The following CHL1 variants were observed in gnomAD, a reference collection of about 807,000 sequenced individuals.
CHL1 encodes the protein neural cell adhesion molecule L1-like protein.
A neutral mutation model predicts 141.9 loss-of-function variants in CHL1; 96 were observed. That is an observed-to-expected ratio of 0.68 (90% CI 0.57 to 0.80). CHL1 has a LOEUF of 0.80. CHL1 is among the 30% of genes least tolerant of loss of function. The pLI, the probability that CHL1 is intolerant of heterozygous loss-of-function variation, is 0.00. For synonymous variants in CHL1, 613 were observed against 502.2 expected, an observed-to-expected ratio of 1.22 and a Z score of -2.95; for missense variants, 1,820 against 1,457.2, an observed-to-expected ratio of 1.25 and a Z score of -4.05.
intron 1 of CHL1, among the ~76,000 whole-genome samples, chr3:200,768 A>G (rs984669698): frequency 6.6e-6 from 1 of 152,222 alleles, no homozygotes; most frequent in African/African-American, 2.4e-5. Context: ...TTTGGTGATC[A>G]CATGCCTTTC....
At chr3:216,133 CTG>C (rs1351017229) in intron 1 of CHL1, among the ~76,000 whole-genome samples, 2 of 152,206 alleles carry the variant, frequency 1.3e-5, no homozygotes, top group East Asian at 3.9e-4. Context: ...AAAAATACCA[CTG>C]TATTTAAAAG....
intron 2 of CHL1, among the ~76,000 whole-genome samples, chr3:292,174 C>T (rs1697751559): frequency 6.6e-6 from 1 of 152,192 alleles, no homozygotes; most frequent in African/African-American, 2.4e-5. Flanking sequence ...TGTTTCAAAT[C>T]TTATAAAAAT....
intron 2 of CHL1, among the ~76,000 whole-genome samples, chr3:293,639 A>G (rs1045571213): frequency 9.2e-5 from 14 of 152,198 alleles, no homozygotes; most frequent in African/African-American, 3.1e-4. Flanking sequence ...ATACGTTCTA[A>G]TGTTTGATAA....
rs1179754543 is a variant in CHL1, at chr3:196,853, G to C, written c.-385G>C. ...CAGCCAGAACGGCTCCAGCCTTCCC[G>C]CGGCCAGAGAGCCAGCGGCGGGAGG... is the stretch of plus-strand genomic sequence containing the variant. On this transcript the variant is annotated 5_prime_UTR_variant, in exon 1 of 28. Transcript: ENST00000256509. 1 of 152,586 alleles carries C rather than the reference G, an allele frequency of 6.6e-6. No individual in the cohort carries two copies. Among genetic ancestry groups the C allele is most frequent in the Admixed American group, 6.5e-5 (1 of 15,294 alleles). 9.5% of individuals were successfully genotyped at this position (152,586 alleles called of 1,614,324 possible).
At chr3:362,093 T>C (rs1704313076) in intron 13 of CHL1, among the ~76,000 whole-genome samples, 1 of 152,170 alleles carries the variant, frequency 6.6e-6, no homozygotes, top group Non-Finnish European at 1.5e-5. Flanking sequence ...TAAAGGTAGT[T>C]TTGGTTTTTC....
intron 2 of CHL1, chr3:248,479 G>A (rs2125127134): frequency 6.6e-6 from 1 of 152,046 alleles, no homozygotes. Context: ...TAATTTTATT[G>A]AGGTATAACT....
chr3:399,814 T>C (rs1023285868), intron 26 of CHL1, among the ~76,000 whole-genome samples: 2 of 152,188 alleles, frequency 1.3e-5, no homozygotes, highest in Admixed American at 6.5e-5. Flanking sequence ...ATGCATGACA[T>C]ACATGACTCA....
intron 2 of CHL1, among the ~76,000 whole-genome samples, chr3:253,253 G>T (rs943228643): frequency 1.3e-5 from 2 of 152,034 alleles, no homozygotes; most frequent in Admixed American, 6.6e-5. Flanking sequence ...GATGTATCTC[G>T]TTATGAACCA....
intron 24 of CHL1, 136 bp from the exon 25 acceptor site, chr3:398,091 T>A (rs1205796643): frequency 1.5e-5 from 7 of 478,020 alleles, no homozygotes; most frequent in Non-Finnish European, 2.5e-5. Context: ...ATTTTCTTGA[T>A]CTCCTGGTAA....
At chr3:249,523 T>C (rs935344203) in intron 2 of CHL1, among the ~76,000 whole-genome samples, 7 of 152,308 alleles carry the variant, frequency 4.6e-5, no homozygotes, top group Admixed American at 3.9e-4. Flanking sequence ...TATTATGGCA[T>C]GTTTGAGTTC....
intron 19 of CHL1, among the ~76,000 whole-genome samples, chr3:385,015 T>C (rs994152731): frequency 7.2e-5 from 11 of 152,200 alleles, no homozygotes; most frequent in African/African-American, 1.4e-4. Flanking sequence ...TTTTTTAAAA[T>C]GGTAATACAT....
intron 24 of CHL1, among the ~76,000 whole-genome samples, chr3:397,340 ATAAT>A (rs1165117501): frequency 6.6e-6 from 1 of 152,116 alleles, no homozygotes; most frequent in Non-Finnish European, 1.5e-5. Context: ...TAGTAACTAT[ATAAT>A]TAATTTTTAT....
intron 1 of CHL1, among the ~76,000 whole-genome samples, chr3:221,131 C>G (rs1018865742): frequency 2.6e-5 from 4 of 152,160 alleles, no homozygotes; most frequent in Admixed American, 2.6e-4. Context: ...CCAGAATGAA[C>G]CAATGTACAT....
intron 2 of CHL1, among the ~76,000 whole-genome samples, chr3:267,089 A>G (rs1481766832): frequency 6.6e-6 from 1 of 152,118 alleles, no homozygotes; most frequent in Non-Finnish European, 1.5e-5. Context: ...TGCAGTATGT[A>G]TTTCCTATTT....
intron 4 of CHL1, among the ~76,000 whole-genome samples, chr3:327,393 G>A (rs557612972): frequency 6.7e-6 from 1 of 149,062 alleles, no homozygotes; most frequent in East Asian, 2.0e-4. Flanking sequence ...TGACACTCTA[G>A]CATACTGGGG....
In CHL1 at chr3:370,080, T is replaced by G. The variant is rs375089453; in HGVS notation, c.1751+3965T>G. On this transcript the variant is annotated intron_variant, in intron 15 of 27. Transcript: ENST00000256509. Reference sequence around the variant, plus strand: ...GTTCCTTTTTTTGTGTGTCTCTTCCTGGTTTTGGTATCAGGATGATGCTGG... The same window carrying G: ...GTTCCTTTTTTTGTGTGTCTCTTCCGGGTTTTGGTATCAGGATGATGCTGG... Among the ~76,000 whole-genome samples, 264 of 152,242 alleles carry G rather than the reference T, an allele frequency of 1.7e-3. 2 individuals carry two copies. The highest frequency in any genetic ancestry group is 5.8e-3 in the African/African-American group (239 of 41,562).
At chr3:346,567 CT>C (rs1458978904) in intron 9 of CHL1, among the ~76,000 whole-genome samples, 1 of 152,064 alleles carries the variant, frequency 6.6e-6, no homozygotes, top group East Asian at 1.9e-4. Flanking sequence ...CTCTCATGTG[CT>C]TTTTAGAAAA....
chr3:272,646 A>G (rs528641518), intron 2 of CHL1, among the ~76,000 whole-genome samples: 7 of 152,366 alleles, frequency 4.6e-5, no homozygotes, highest in African/African-American at 1.7e-4. Context: ...TGTTCACATT[A>G]TGAAAAATAA....
chr3:353,061 G>A (rs1207699857), intron 10 of CHL1, among the ~76,000 whole-genome samples: 2 of 152,128 alleles, frequency 1.3e-5, no homozygotes, highest in Non-Finnish European at 2.9e-5. Flanking sequence ...CCAAAGCTCA[G>A]CCCTCTGTCT....
Sources: gnomAD v4.1 joint callset for allele counts (sites outside exome capture counted in the v4.1 genomes callset) on GRCh38, gnomAD v4.1.1 for gene constraint, MANE v1.5 for transcripts, NCBI Gene and HGNC (gene_info 2026-07-23, HGNC 2026-07-21) for gene names.